GALNT13: variants seen among roughly 807,000 people sequenced by gnomAD.
GALNT13 encodes UDP-GalNAc:polypeptide N-acetylgalactosaminyltransferase 13.
GALNT13 carries 28 observed loss-of-function variants against 64.2 expected under a neutral mutation model. The observed-to-expected ratio is 0.44, with a 90% CI of 0.32 to 0.60. The LOEUF (loss-of-function observed/expected upper bound fraction) is 0.60, where lower values mean the gene tolerates loss of function less well. Ranked by LOEUF, GALNT13 falls within the 20% of genes least tolerant of loss-of-function variation. The pLI is 0.05. For synonymous variants in GALNT13, 214 were observed against 224.6 expected (o/e 0.95, Z 0.42); for missense variants, 577 against 669.8 (o/e 0.86, Z 1.53).
chr2:153,332,981 G>C, the GALNT13 span, among the ~76,000 whole-genome samples: 11 of 152,130 alleles, frequency 7.2e-5, no homozygotes, highest in African/African-American at 2.2e-4. Flanking sequence ...TCCCACCCCA[G>C]GCTTGTAATA....
At chr2:153,256,772 A>G in the GALNT13 span, among the ~76,000 whole-genome samples, 9 of 152,286 alleles carry the variant, frequency 5.9e-5, no homozygotes, top group South Asian at 8.3e-4. Context: ...TCGGGGGTCA[A>G]GGGTCAGGGA....
intron 3 of GALNT13, among the ~76,000 whole-genome samples, chr2:154,070,622 A>T (rs1558941558): frequency 6.6e-6 from 1 of 152,146 alleles, no homozygotes; most frequent in Non-Finnish European, 1.5e-5. Context: ...TCAAGTTTTT[A>T]AAAAGAAAAA....
chr2:154,404,714 T>C (rs1699448709), intron 10 of GALNT13, among the ~76,000 whole-genome samples: 1 of 152,136 alleles, frequency 6.6e-6, no homozygotes, highest in African/African-American at 2.4e-5. Flanking sequence ...TGAAGCTCCT[T>C]CTCAGAAGAC....
chr2:154,448,091 C>A (rs564681991), intron 12 of GALNT13, among the ~76,000 whole-genome samples: 1 of 152,034 alleles, frequency 6.6e-6, no homozygotes, highest in African/African-American at 2.4e-5. Context: ...GGCTTATTAG[C>A]CTTATCCTCA....
chr2:154,389,688 C>T (rs1320947611), intron 9 of GALNT13, among the ~76,000 whole-genome samples: 3 of 152,086 alleles, frequency 2.0e-5, no homozygotes, highest in Non-Finnish European at 4.4e-5. Context: ...AAGTCCAATC[C>T]CTGAGACAAT....
the GALNT13 span, among the ~76,000 whole-genome samples, chr2:153,299,330 A>G: frequency 6.6e-6 from 1 of 152,338 alleles, no homozygotes; most frequent in Admixed American, 6.5e-5. Context: ...CCAGGAAACA[A>G]CACACTCAAA....
chr2:153,294,532 C>G, the GALNT13 span, among the ~76,000 whole-genome samples: 4 of 151,714 alleles, frequency 2.6e-5, no homozygotes, highest in Non-Finnish European at 5.9e-5. Context: ...TCATTATTTC[C>G]AAGGGGTTGT....
chr2:154,103,067 A>T (rs952094215), intron 3 of GALNT13, among the ~76,000 whole-genome samples: 24 of 151,882 alleles, frequency 1.6e-4, no homozygotes, highest in African/African-American at 5.1e-4. Context: ...AGCAAGATCA[A>T]GTATTTTTTT....
At chr2:154,199,739 A>G (rs1687073992) in intron 4 of GALNT13, among the ~76,000 whole-genome samples, 1 of 152,084 alleles carries the variant, frequency 6.6e-6, no homozygotes, top group African/African-American at 2.4e-5. Context: ...TTGTAATACT[A>G]TTAGAGTGCA....
Position 154,104,481 on chromosome 2 carries a change from A to T in GALNT13, c.143-35856A>T, listed in dbSNP as rs1325283324. Reference sequence around the variant, plus strand: ...GTCATGCCAGCCTCCAGAGGGAAAAACCTTGGCTACATCCATAGCATGGAC... The same window carrying T: ...GTCATGCCAGCCTCCAGAGGGAAAATCCTTGGCTACATCCATAGCATGGAC... On this transcript the variant is annotated intron_variant, in intron 3 of 12. Coordinates refer to ENST00000392825, the MANE Select transcript of GALNT13 (RefSeq NM_052917.4). 2.6e-5 allele frequency among the ~76,000 whole-genome samples: 4 copies of T among 152,008 alleles called. No individual in the cohort carries two copies. In the South Asian group the frequency reaches 8.3e-4, roughly 32 times the overall value.
the GALNT13 span, among the ~76,000 whole-genome samples, chr2:153,359,045 C>G: frequency 6.6e-6 from 1 of 151,992 alleles, no homozygotes; most frequent in Non-Finnish European, 1.5e-5. Flanking sequence ...TATGATTTAT[C>G]TATTTTAATG....
intron 3 of GALNT13, among the ~76,000 whole-genome samples, chr2:154,043,549 C>T (rs1699126673): frequency 2.0e-5 from 3 of 148,848 alleles, no homozygotes; most frequent in East Asian, 2.0e-4. Context: ...TATTTTTATA[C>T]ATATAGGCAT....
chr2:153,289,813 C>A, the GALNT13 span, among the ~76,000 whole-genome samples: 3 of 152,106 alleles, frequency 2.0e-5, no homozygotes, highest in Non-Finnish European at 4.4e-5. Context: ...CCATGACATG[C>A]CACGTGGGAC....
intron 2 of GALNT13, among the ~76,000 whole-genome samples, chr2:153,918,465 C>G (rs954691460): frequency 2.0e-5 from 3 of 152,104 alleles, no homozygotes; most frequent in African/African-American, 7.2e-5. Context: ...CTTTGCTACT[C>G]CCCTATGCTC....
chr2:153,572,853 A>T, the GALNT13 span, among the ~76,000 whole-genome samples: 1 of 151,890 alleles, frequency 6.6e-6, no homozygotes, highest in Non-Finnish European at 1.5e-5. Flanking sequence ...TTCTTTTGTG[A>T]CCTAACACAT....
the GALNT13 span, among the ~76,000 whole-genome samples, chr2:153,442,884 G>A: frequency 6.6e-6 from 1 of 152,166 alleles, no homozygotes; most frequent in Non-Finnish European, 1.5e-5. Flanking sequence ...AGTAATGGTG[G>A]ACAGCCCTCC....
chr2:154,339,503 T>A (rs1020976310), intron 9 of GALNT13, among the ~76,000 whole-genome samples: 1 of 152,168 alleles, frequency 6.6e-6, no homozygotes, highest in Non-Finnish European at 1.5e-5. Flanking sequence ...ATATTTGAAG[T>A]ATACTCGTTA....
chr2:153,422,761 GAATA>G, the GALNT13 span, among the ~76,000 whole-genome samples: 1 of 151,554 alleles, frequency 6.6e-6, no homozygotes, highest in African/African-American at 2.4e-5. Context: ...ATAGATTCAA[GAATA>G]AATAAAAGTC....
At chr2:154,363,228 C>T (rs971513486) in intron 9 of GALNT13, among the ~76,000 whole-genome samples, 1 of 152,140 alleles carries the variant, frequency 6.6e-6, no homozygotes, top group Admixed American at 6.6e-5. Context: ...CCAGCTCACC[C>T]CAGTTTGAAT....
Sources: allele counts gnomAD v4.1 joint callset (sites outside exome capture counted in the v4.1 genomes callset), GRCh38; gene constraint gnomAD v4.1.1; transcripts MANE v1.5; gene names NCBI Gene and HGNC (gene_info 2026-07-23, HGNC 2026-07-21).